NRDE2: variants seen among roughly 807,000 people sequenced by gnomAD.
NRDE2 encodes the protein nuclear exosome regulator NRDE2.
NRDE2 carries 76 observed loss-of-function variants against 124.2 expected under a neutral mutation model. That is an observed-to-expected ratio of 0.61 (90% CI 0.51 to 0.74). The LOEUF (loss-of-function observed/expected upper bound fraction) is 0.74, where lower values mean the gene tolerates loss of function less well. NRDE2 is among the 30% of genes least tolerant of loss of function. The probability of loss-of-function intolerance (pLI) is 0.00; values close to 1 mark genes in which losing one functional copy is unlikely to be tolerated. For synonymous variants in NRDE2, 489 were observed against 528.1 expected (o/e 0.93, Z 1.01); for missense variants, 1,314 against 1,417.3 (o/e 0.93, Z 1.17).
rs1265693276 is a variant in NRDE2 at position 90,286,396 on chromosome 14, G to C, written c.3255C>G (p.Gly1085=). Residue 1085 remains glycine, a synonymous_variant, in exon 12 of 14, where the codon GGC becomes GGG. Coordinates refer to ENST00000354366, the MANE Select transcript of NRDE2 (RefSeq NM_017970.4). Reference sequence around the variant, plus strand: ...TCCTCCACAGCAAGGGGCACTGGCTGCCACTGTCGCTGCGCATGGCATTTT... The same window carrying C: ...TCCTCCACAGCAAGGGGCACTGGCTCCCACTGTCGCTGCGCATGGCATTTT... The part of the protein sequence containing the change: ...LFENAMRSDS[G]SQCPLLWRMY... The C allele has an allele frequency of 6.2e-7, 1 of 1,614,152 alleles. No homozygotes were observed. Among genetic ancestry groups the C allele is most frequent in the African/African-American group, 1.3e-5 (1 of 75,064 alleles).
chr14:90,301,264 A>G lies in NRDE2; in HGVS notation c.1520T>C (p.Val507Ala), dbSNP rs781427572. The G allele has an allele frequency of 6.2e-7, 1 of 1,613,664 alleles. No individual in the cohort carries two copies. The highest frequency in any genetic ancestry group is 1.1e-5 in the South Asian group (1 of 91,066). Residue 507 changes from valine (V) to alanine (A), a missense_variant, in exon 7 of 14, where the codon GTG becomes GCG. Physicochemically the swap from Val to Ala is moderately conservative, Grantham distance 64 (BLOSUM62 0). Coordinates refer to ENST00000354366, the MANE Select transcript of NRDE2 (RefSeq NM_017970.4). The part of the protein sequence containing the change: ...VDFTFFKPDS[V>A]KDLPTKGQVE... ...CTGTCCTTTGGTAGGCAGATCTTTC[A>G]CGCTGTCGGGTTTGAAGAAGGTGAA...
chr14:90,310,412 C>T (rs545004097), intron 4 of NRDE2, among the ~76,000 whole-genome samples: 7 of 152,262 alleles, frequency 4.6e-5, no homozygotes, highest in South Asian at 2.1e-4. Context: ...GGGTTCTCCT[C>T]GTCCTCCTCA....
At chr14:90,288,140 C>T (rs989423071) in intron 11 of NRDE2, 77 bp downstream of exon 11, 2 of 1,372,768 alleles carry the variant, frequency 1.5e-6, no homozygotes, top group East Asian at 4.6e-5. Flanking sequence ...CTTCCTGAGA[C>T]CCAGCAAGGT....
chr14:90,315,337 C>T (rs1885006403), intron 3 of NRDE2, among the ~76,000 whole-genome samples: 1 of 151,972 alleles, frequency 6.6e-6, no homozygotes. Flanking sequence ...TACCACTGCA[C>T]TCCAGCCTGG....
Position 90,274,786 on chromosome 14 carries a change from C to CCA in NRDE2, c.*3549_*3550insTG, listed in dbSNP as rs1566677946. On this transcript the variant is annotated 3_prime_UTR_variant, in exon 14 of 14. Coordinates refer to ENST00000354366, the MANE Select transcript of NRDE2 (RefSeq NM_017970.4). ...ACAGTATAGCCCTTTAAATAGGGAA[C>CCA]TACACACACACACACACACACACAC... 2.5e-5 allele frequency: 2 copies of CCA among 81,562 alleles called. No individual in the cohort carries two copies. Among genetic ancestry groups the CCA allele is most frequent in the African/African-American group, 9.9e-5 (2 of 20,208 alleles). 5.1% of individuals were successfully genotyped at this position (81,562 alleles called of 1,614,324 possible). A position where few individuals can be genotyped will look rare whatever the true frequency, so the allele number is the denominator to read the frequency against.
At chr14:90,322,847 A>G (rs1885289547) in intron 1 of NRDE2, among the ~76,000 whole-genome samples, 1 of 152,266 alleles carries the variant, frequency 6.6e-6, no homozygotes, top group Non-Finnish European at 1.5e-5. Context: ...CATTTTCAAC[A>G]GTTACATCCT....
chr14:90,279,019 A>C lies in NRDE2; in HGVS notation c.3369+43T>G, dbSNP rs781616250. Reference sequence around the variant, plus strand: ...ACTAGCTGGACGGAGACCTGGCGGGAAGTTTTCGGGAAGCTGAAGACACCA... The same window carrying C: ...ACTAGCTGGACGGAGACCTGGCGGGCAGTTTTCGGGAAGCTGAAGACACCA... On this transcript the variant is annotated intron_variant, in intron 13 of 13. Transcript: ENST00000354366. The C allele has an allele frequency of 2.1e-6, 3 of 1,415,758 alleles. No individual in the cohort carries two copies. The South Asian group carries it at 3.5e-5, about 16-fold the overall frequency. 87.7% of individuals were successfully genotyped at this position (1,415,758 alleles called of 1,614,324 possible). A position where few individuals can be genotyped will look rare whatever the true frequency, so the allele number is the denominator to read the frequency against.
Position 90,290,377 on chromosome 14 carries a change from G to A in NRDE2, c.2073C>T (p.Gly691=), listed in dbSNP as rs750089762. The A allele has an allele frequency of 6.2e-7, 1 of 1,614,100 alleles. No individual in the cohort carries two copies. The highest frequency in any genetic ancestry group is 8.5e-7 in the Non-Finnish European group (1 of 1,180,048). The change falls in exon 10 of 14, where the codon GGC becomes GGT. Residue 691 remains glycine (G), a synonymous_variant. Coordinates refer to ENST00000354366, the MANE Select transcript of NRDE2 (RefSeq NM_017970.4). ...GAGGATAGCCCAACCTATCCATGCG[G>A]CCAACACAGCTAGCCCCAGAAAACA... is the stretch of plus-strand genomic sequence containing the variant. The part of the protein sequence containing the change: ...NPLFSGASCV[G]RMDRLGYPRW...
chr14:90,321,487 G>A (rs1885238029), intron 1 of NRDE2, among the ~76,000 whole-genome samples: 1 of 149,826 alleles, frequency 6.7e-6, no homozygotes, highest in Non-Finnish European at 1.5e-5. Flanking sequence ...TGAGAAGGGA[G>A]GACCACTGGA....
At chr14:90,278,716 G>A (rs955469129) in intron 13 of NRDE2, 9 of 539,092 alleles carry the variant, frequency 1.7e-5, no homozygotes, top group Non-Finnish European at 3.0e-5. Context: ...GCTGGCCGTC[G>A]CCCTCAGTTT....
At chr14:90,328,089 G>A (rs574629800) in intron 1 of NRDE2, among the ~76,000 whole-genome samples, 6 of 150,736 alleles carry the variant, frequency 4.0e-5, no homozygotes, top group African/African-American at 1.5e-4. Flanking sequence ...CTTGCAGTGA[G>A]CCAAGATCAC....
chr14:90,296,264 C>T lies in NRDE2; in HGVS notation c.1666+1996G>A, dbSNP rs188371583. On this transcript the variant is annotated intron_variant, in intron 8 of 13. Transcript: ENST00000354366. ...ACTAATCAGACTTCTGTTTTTTTGGCCTTTGCTTATGCGGTCTTGCAGACT... is the reference window on the plus strand; with the variant it reads ...ACTAATCAGACTTCTGTTTTTTTGGTCTTTGCTTATGCGGTCTTGCAGACT... 1.1e-4 allele frequency among the ~76,000 whole-genome samples: 17 copies of T among 152,262 alleles called. No homozygotes were observed. In the East Asian group the frequency reaches 2.9e-3, roughly 26 times the overall value.
chr14:90,303,816 T>C, intron 5 of NRDE2, 119 bp downstream of exon 5: 1 of 882,908 alleles, frequency 1.1e-6, no homozygotes, highest in Non-Finnish European at 1.8e-6. Flanking sequence ...ATTCTAATAA[T>C]CTTTGTATGC....
chr14:90,296,669 C>T (rs1219588847), intron 8 of NRDE2, among the ~76,000 whole-genome samples: 1 of 151,984 alleles, frequency 6.6e-6, no homozygotes, highest in African/African-American at 2.4e-5. Context: ...AGTCAATCTC[C>T]TGAGTCCTTG....
At chr14:90,282,808 C>G (rs527274320) in intron 12 of NRDE2, among the ~76,000 whole-genome samples, 7 of 152,244 alleles carry the variant, frequency 4.6e-5, no homozygotes, top group South Asian at 2.1e-4. Context: ...GCTGGGATTA[C>G]AGACATGTGC....
At position 90,276,332 on chromosome 14, in the gene NRDE2, C is replaced by T. The variant is rs1595050212; in HGVS notation, c.*2004G>A. 6.7e-6 allele frequency: 1 copy of T among 150,044 alleles called. No individual in the cohort carries two copies. Among genetic ancestry groups the T allele is most frequent in the South Asian group, 2.1e-4 (1 of 4,768 alleles). The allele number at this position is 150,044 out of a possible 1,614,324, so 9.3% of individuals were successfully genotyped here. A position where few individuals can be genotyped will look rare whatever the true frequency, so the allele number is the denominator to read the frequency against. On this transcript the variant is annotated 3_prime_UTR_variant, in exon 14 of 14. Transcript: ENST00000354366. ...CTCCCAGGTTCACGCCATTCTCCTG[C>T]CTTAGCCTTCCGAGTAGCTGGGACT...
At position 90,290,526 on chromosome 14, in the gene NRDE2, G is replaced by A. The variant is rs200542150; in HGVS notation, c.1924C>T (p.Gln642Ter). Reference protein sequence around the residue: ...LQFQLVEAFLQFLGVPSGFTP... With the variant: ...LQFQLVEAFL ...AAGCCAGAAGGCACACCCAAGAACTGCAGGAAGGCCTCCACCAGCTGGAAC... is the reference window on the plus strand; with the variant it reads ...AAGCCAGAAGGCACACCCAAGAACTACAGGAAGGCCTCCACCAGCTGGAAC... Residue 642 changes from glutamine to a stop codon, truncating the protein, a stop_gained, in exon 10 of 14, where the codon CAG (glutamine) becomes TAG (stop). Transcript: ENST00000354366. LOFTEE classifies it high-confidence loss of function. 2.8e-4 allele frequency: 454 copies of A among 1,614,038 alleles called. No homozygotes were observed. The highest frequency in any genetic ancestry group is 2.7e-5 in the African/African-American group (2 of 75,044).
chr14:90,326,039 G>A (rs1203903779), intron 1 of NRDE2, among the ~76,000 whole-genome samples: 1 of 152,140 alleles, frequency 6.6e-6, no homozygotes, highest in Non-Finnish European at 1.5e-5. Flanking sequence ...GCCAAAGACT[G>A]GAAAGAGTCC....
At position 90,268,085 on chromosome 14, in the gene NRDE2, A is replaced by G. The variant is rs1891564461; in HGVS notation, c.*10251T>C. ...CTACTTAGGAGAATGGAATGTCGTGACACTTGAATTGGTGCCATGCCTTAG... is the reference window on the plus strand; with the variant it reads ...CTACTTAGGAGAATGGAATGTCGTGGCACTTGAATTGGTGCCATGCCTTAG... On this transcript the variant is annotated 3_prime_UTR_variant, in exon 14 of 14. Coordinates refer to ENST00000354366, the MANE Select transcript of NRDE2 (RefSeq NM_017970.4). 2 of 625,120 alleles carry G rather than the reference A, an allele frequency of 3.2e-6. No individual in the cohort carries two copies. Among genetic ancestry groups the G allele is most frequent in the Admixed American group, 3.2e-5 (1 of 31,218 alleles). 38.7% of individuals were successfully genotyped at this position (625,120 alleles called of 1,614,324 possible). A position where few individuals can be genotyped will look rare whatever the true frequency, so the allele number is the denominator to read the frequency against.
Sources: allele counts gnomAD v4.1 joint callset (sites outside exome capture counted in the v4.1 genomes callset), GRCh38; gene constraint gnomAD v4.1.1; transcripts MANE v1.5; gene names NCBI Gene and HGNC (gene_info 2026-07-23, HGNC 2026-07-21).